The following GPC3 variants were observed in gnomAD, a reference collection of about 807,000 sequenced individuals.
The protein encoded by GPC3 is glypican-3.
In GPC3, 3 loss-of-function variants were observed where a neutral mutation model predicts 34.4. The observed-to-expected ratio is 0.09, with a 90% confidence interval of 0.04 to 0.23. GPC3 has a LOEUF of 0.23. GPC3 is among the 10% of genes least tolerant of loss of function. The probability of loss-of-function intolerance (pLI) is 1.00; values close to 1 mark genes in which losing one functional copy is unlikely to be tolerated. For missense variants in GPC3, 351 were observed against 445.6 expected, an observed-to-expected ratio of 0.79 and a Z score of 1.91; for synonymous variants, 177 against 174.0, an observed-to-expected ratio of 1.02 and a Z score of -0.13.
Position 133,843,483 on chromosome X carries a change from C to T in GPC3, c.338-89307G>A, listed in dbSNP as rs1457250296. ...CTGAGGCCCTCACCAGAAGCAAATCCCAGAACCACGCTTCCTGTACAGCCA... is the reference window on the plus strand; with the variant it reads ...CTGAGGCCCTCACCAGAAGCAAATCTCAGAACCACGCTTCCTGTACAGCCA... On this transcript the variant is annotated intron_variant, in intron 2 of 7. Transcript: ENST00000370818. 1.1e-4 allele frequency among the ~76,000 whole-genome samples: 12 copies of T among 111,437 alleles called. No homozygotes were observed. The Admixed American group carries it at 1.1e-3, about 11-fold the overall frequency.
intron 5 of GPC3, among the ~76,000 whole-genome samples, chrX:133,686,768 AACACACAC>A (rs762283767): frequency 3.3e-4 from 32 of 98,036 alleles, no homozygotes; most frequent in African/African-American, 7.8e-4. Context: ...ATTTTACCTC[AACACACAC>A]ACACACACAC....
At chrX:133,738,084 C>T (rs1198011133) in intron 3 of GPC3, among the ~76,000 whole-genome samples, 1 of 111,848 alleles carries the variant, frequency 8.9e-6, no homozygotes, top group East Asian at 2.8e-4. Context: ...CCCGCTCAGG[C>T]TCCCGAGTAG....
chrX:133,878,396 C>T (rs1892061518), intron 2 of GPC3, among the ~76,000 whole-genome samples: 1 of 110,542 alleles, frequency 9.0e-6, no homozygotes, highest in African/African-American at 3.3e-5. Flanking sequence ...CATTGCACTC[C>T]AGCCTGGGCG....
chrX:133,540,610 C>A (rs1278793065), intron 7 of GPC3, among the ~76,000 whole-genome samples: 4 of 111,367 alleles, frequency 3.6e-5, no homozygotes, highest in Admixed American at 9.6e-5. Context: ...GTGTATACTG[C>A]TTGGACGATA....
At chrX:133,587,831 C>A (rs1367062578) in intron 7 of GPC3, among the ~76,000 whole-genome samples, 1 of 111,694 alleles carries the variant, frequency 9.0e-6, no homozygotes, top group Non-Finnish European at 1.9e-5. Flanking sequence ...TATTTTATCA[C>A]CATTTTTGCA....
At chrX:133,881,243 C>T (rs1470476874) in intron 2 of GPC3, among the ~76,000 whole-genome samples, 2 of 111,689 alleles carry the variant, frequency 1.8e-5, no homozygotes. Flanking sequence ...CCATTTGTCG[C>T]TGACACTCAT....
At chrX:133,858,121 G>T (rs1209353739) in intron 2 of GPC3, among the ~76,000 whole-genome samples, 1 of 111,185 alleles carries the variant, frequency 9.0e-6, no homozygotes, top group Non-Finnish European at 1.9e-5. Flanking sequence ...GGAAAGGGGG[G>T]CTGCTAAAGG....
intron 2 of GPC3, among the ~76,000 whole-genome samples, chrX:133,771,285 G>C (rs2071916657): frequency 8.9e-6 from 1 of 112,636 alleles, no homozygotes; most frequent in Admixed American, 9.4e-5. Flanking sequence ...GCTGTAATTT[G>C]GCAATGTGCC....
chrX:133,588,428 C>T lies in GPC3; in HGVS notation c.1573+8012G>A, dbSNP rs755233312. ...AAAAAAACCCAGGACATTTCATTTC[C>T]CTACAAGCTTTCTACTCACTTTTCA... is the stretch of plus-strand genomic sequence containing the variant. On this transcript the variant is annotated intron_variant, in intron 7 of 7. Transcript: ENST00000370818. Among the ~76,000 whole-genome samples the T allele has an allele frequency of 1.4e-4, 15 of 111,053 alleles. No homozygotes were observed. In the South Asian group the frequency reaches 5.8e-3, roughly 43 times the overall value.
chrX:133,842,453 C>T lies in GPC3; in HGVS notation c.338-88277G>A, dbSNP rs181842230. Among the ~76,000 whole-genome samples the T allele has an allele frequency of 7.1e-3, 766 of 107,297 alleles. 6 individuals are homozygous for T. The highest frequency in any genetic ancestry group is 0.015 in the Middle Eastern group (3 of 204). The allele number at this position is 107,297 out of a possible 115,157, so 93.2% of individuals were successfully genotyped here. On this transcript the variant is annotated intron_variant, in intron 2 of 7. Coordinates refer to ENST00000370818, the MANE Select transcript of GPC3 (RefSeq NM_004484.4). ...TACAGTAATATATATATTACATACC[C>T]GTTAGTTCTGTCCCTCTAAGAGAAC...
In GPC3 at chrX:133,661,711, T is replaced by C; in HGVS notation, c.1413+19A>G. ...TTATTTCTACTTTTTATTATTATTA[T>C]TTTTTATATTCCACATACCTGGTTA... On this transcript the variant is annotated intron_variant, in intron 6 of 7. Coordinates refer to ENST00000370818, the MANE Select transcript of GPC3 (RefSeq NM_004484.4). 9.7e-7 allele frequency: 1 copy of C among 1,026,133 alleles called. No homozygotes were observed. The highest frequency in any genetic ancestry group is 1.3e-6 in the Non-Finnish European group (1 of 748,918). The allele number at this position is 1,026,133 out of a possible 1,213,427, so 84.6% of individuals were successfully genotyped here.
chrX:133,919,315 AC>A (rs1355365928), intron 2 of GPC3, among the ~76,000 whole-genome samples: 1 of 111,472 alleles, frequency 9.0e-6, no homozygotes, highest in Admixed American at 9.5e-5. Context: ...TGTTTTCACA[AC>A]CCCTTCCCTT....
intron 2 of GPC3, among the ~76,000 whole-genome samples, chrX:133,919,841 CAA>C (rs35573322): frequency 7.2e-5 from 6 of 82,761 alleles, no homozygotes; most frequent in Non-Finnish European, 4.8e-5. Flanking sequence ...GATCCTGTCT[CAA>C]AAAAAAAAAA....
Position 133,794,527 on chromosome X carries a change from G to A in GPC3, c.338-40351C>T, listed in dbSNP as rs187180786. Among the ~76,000 whole-genome samples, 5 of 111,938 alleles carry A rather than the reference G, an allele frequency of 4.5e-5. No individual in the cohort carries two copies. In the South Asian group the frequency reaches 1.9e-3, roughly 42 times the overall value. The stretch of plus-strand genomic sequence containing the variant: ...CACACATTTGGCTTTGGGTGGGGGG[G>A]CACTATTTGTGCCTTTTAGGTTCTC... On this transcript the variant is annotated intron_variant, in intron 2 of 7. Coordinates refer to ENST00000370818, the MANE Select transcript of GPC3 (RefSeq NM_004484.4).
At chrX:133,960,649 T>C (rs748125461) in intron 1 of GPC3, among the ~76,000 whole-genome samples, 2 of 111,392 alleles carry the variant, frequency 1.8e-5, no homozygotes, top group South Asian at 3.8e-4. Flanking sequence ...ATATATATGA[T>C]GATTTGACAC....
intron 7 of GPC3, among the ~76,000 whole-genome samples, chrX:133,571,892 G>A (rs1038298701): frequency 1.8e-5 from 2 of 112,190 alleles, no homozygotes; most frequent in Non-Finnish European, 3.8e-5. Context: ...TGGTGATTAT[G>A]AATCACATGT....
At chrX:133,763,390 C>T (rs2071816408) in intron 2 of GPC3, 2 of 539,263 alleles carry the variant, frequency 3.7e-6, no homozygotes, top group South Asian at 4.6e-5. Flanking sequence ...GGAGGTCATG[C>T]CTGATCTCTA....
At chrX:133,876,352 C>T (rs1023275892) in intron 2 of GPC3, among the ~76,000 whole-genome samples, 2 of 111,974 alleles carry the variant, frequency 1.8e-5, no homozygotes. Flanking sequence ...CAGCAATGCA[C>T]TCCTAACCCC....
At chrX:133,615,985 T>C (rs2070158429) in intron 6 of GPC3, among the ~76,000 whole-genome samples, 1 of 110,947 alleles carries the variant, frequency 9.0e-6, no homozygotes, top group Admixed American at 9.6e-5. Flanking sequence ...AGTTTTCTCT[T>C]TAAGATGAGA....
Sources: gnomAD v4.1 joint callset for allele counts (sites outside exome capture counted in the v4.1 genomes callset) on GRCh38, gnomAD v4.1.1 for gene constraint, MANE v1.5 for transcripts, NCBI Gene and HGNC (gene_info 2026-07-23, HGNC 2026-07-21) for gene names.